Variants in CELF5 observed in about 807,000 individuals in gnomAD.
CELF5 encodes the protein CUG-BP and ETR-3 like factor 5.
In CELF5, 6 loss-of-function variants were observed where a neutral mutation model predicts 54.9. The ratio of observed to expected loss-of-function variants is 0.11; its 90% confidence interval spans 0.06 to 0.22. CELF5 has a LOEUF of 0.22. Among genes scored for constraint, CELF5 ranks in the 10% least tolerant of loss-of-function variants. The pLI, the probability that CELF5 is intolerant of heterozygous loss-of-function variation, is 1.00. For missense variants in CELF5, 401 were observed against 678.6 expected (o/e 0.59, Z 4.54); for synonymous variants, 271 against 290.9 (o/e 0.93, Z 0.70).
intron 1 of CELF5, among the ~76,000 whole-genome samples, chr19:3,231,251 G>A (rs917344907): frequency 2.0e-5 from 3 of 152,206 alleles, no homozygotes; most frequent in Non-Finnish European, 2.9e-5. Context: ...AGGGCATGAG[G>A]AAATGAGACG....
At chr19:3,289,549 G>A (rs2080307710) in intron 10 of CELF5, among the ~76,000 whole-genome samples, 1 of 151,836 alleles carries the variant, frequency 6.6e-6, no homozygotes, top group South Asian at 2.1e-4. Context: ...GGGCTTGGTG[G>A]TGGGCACCTG....
intron 1 of CELF5, among the ~76,000 whole-genome samples, chr19:3,246,055 GC>G (rs1287755155): frequency 2.0e-5 from 3 of 152,212 alleles, no homozygotes; most frequent in African/African-American, 7.2e-5. Flanking sequence ...TCCTGGGTAT[GC>G]TTTTTGCATT....
intron 1 of CELF5, among the ~76,000 whole-genome samples, chr19:3,247,458 C>T (rs1029803742): frequency 1.3e-5 from 2 of 151,348 alleles, no homozygotes; most frequent in East Asian, 2.0e-4. Flanking sequence ...GATGGGTTTT[C>T]GCCATGTTGC....
intron 1 of CELF5, among the ~76,000 whole-genome samples, chr19:3,225,983 G>A (rs1183917662): frequency 2.0e-5 from 3 of 152,158 alleles, no homozygotes; most frequent in Non-Finnish European, 4.4e-5. Context: ...ATGGCATCCC[G>A]GGTGGGGGTG....
In CELF5 at chr19:3,248,889, CCTTCCTTCCTTCCTTCCTTT is replaced by C. The variant is rs761502138; in HGVS notation, c.260-2092_260-2073del. Among the ~76,000 whole-genome samples, 197 of 120,866 alleles carry C rather than the reference CCTTCCTTCCTTCCTTCCTTT, an allele frequency of 1.6e-3. 1 individual carries two copies. The South Asian group carries it at 0.026, about 16-fold the overall frequency. 79.3% of individuals were successfully genotyped at this position (120,866 alleles called of 152,430 possible). On this transcript the variant is annotated intron_variant, in intron 1 of 12. Coordinates refer to ENST00000292672, the MANE Select transcript of CELF5 (RefSeq NM_021938.4). ...TCCTTCCTTCCTTCCTTCCTTCCTT[CCTTCCTTCCTTCCTTCCTTT>C]CTTTCTTTCTTTCTTTCTTTTCTTT...
chr19:3,290,180 G>C, intron 10 of CELF5, 51 bp from the exon 11 acceptor site: 1 of 1,561,158 alleles, frequency 6.4e-7, no homozygotes, highest in African/African-American at 1.4e-5. Context: ...CCCCGGGGGG[G>C]TTCGCCTCCT....
intron 1 of CELF5, among the ~76,000 whole-genome samples, chr19:3,250,305 G>A (rs1295652260): frequency 6.6e-6 from 1 of 152,054 alleles, no homozygotes; most frequent in Admixed American, 6.6e-5. Flanking sequence ...TGGCTAACAC[G>A]GTGAAACCCC....
Position 3,228,683 on chromosome 19 carries a change from C to G in CELF5, c.259+3685C>G, listed in dbSNP as rs1193785703. On this transcript the variant is annotated intron_variant, in intron 1 of 12. Coordinates refer to ENST00000292672, the MANE Select transcript of CELF5 (RefSeq NM_021938.4). This position sits in a 1 kb window ranked among gnomAD's most constrained non-coding sequence, Gnocchi z 6.0. Reference sequence around the variant, plus strand: ...TCCATGGGAGCACCAGCTGCCGGCTCGACTCGGGAGGGGGGGAGGAGGAGG... The same window carrying G: ...TCCATGGGAGCACCAGCTGCCGGCTGGACTCGGGAGGGGGGGAGGAGGAGG... Among the ~76,000 whole-genome samples, 35 of 147,342 alleles carry G rather than the reference C, an allele frequency of 2.4e-4. No individual in the cohort carries two copies. The highest frequency in any genetic ancestry group is 8.8e-4 in the African/African-American group (35 of 39,710).
At chr19:3,229,016 C>T (rs1159016528) in intron 1 of CELF5, among the ~76,000 whole-genome samples, 1 of 151,974 alleles carries the variant, frequency 6.6e-6, no homozygotes. Flanking sequence ...TGCATATTCT[C>T]TCCTTTATTT....
intron 1 of CELF5, among the ~76,000 whole-genome samples, chr19:3,234,525 G>A (rs1446175792): frequency 6.6e-6 from 1 of 152,096 alleles, no homozygotes; most frequent in Non-Finnish European, 1.5e-5. Context: ...CAGGAATGCT[G>A]CTCAATACCC....
At chr19:3,245,677 G>A (rs1414888624) in intron 1 of CELF5, among the ~76,000 whole-genome samples, 2 of 152,032 alleles carry the variant, frequency 1.3e-5, no homozygotes, top group Non-Finnish European at 2.9e-5. Flanking sequence ...AGGCCTTAGG[G>A]CTCGTTGTCT....
At position 3,228,994 on chromosome 19, in the gene CELF5, G is replaced by T. The variant is rs8182494; in HGVS notation, c.259+3996G>T. On this transcript the variant is annotated intron_variant, in intron 1 of 12. Transcript: ENST00000292672. The surrounding 1 kb of genome is among the most constrained non-coding windows in gnomAD (Gnocchi z 6.0). ...CTGAGCGCGCCCCTCTCTGTGCCTC[G>T]TTTTCCCCTGCTGCATATTCTCTCC... is the stretch of plus-strand genomic sequence containing the variant. 0.079 allele frequency among the ~76,000 whole-genome samples: 11,965 copies of T among 151,420 alleles called. 1,165 individuals are homozygous for T. The highest frequency in any genetic ancestry group is 0.44 in the East Asian group (2,228 of 5,098).
intron 2 of CELF5, among the ~76,000 whole-genome samples, chr19:3,253,776 A>G (rs2079682050): frequency 6.6e-6 from 1 of 150,576 alleles, no homozygotes; most frequent in African/African-American, 2.4e-5. Flanking sequence ...TAATTCATCT[A>G]AGTTTAGTGA....
chr19:3,252,587 T>A (rs1473132908), intron 2 of CELF5, among the ~76,000 whole-genome samples: 2 of 152,166 alleles, frequency 1.3e-5, no homozygotes, highest in African/African-American at 2.4e-5. Context: ...GTAGCCTTCG[T>A]GCTTGGCTGA....
intron 1 of CELF5, among the ~76,000 whole-genome samples, chr19:3,244,613 T>C (rs1036131859): frequency 6.7e-6 from 1 of 150,190 alleles, no homozygotes; most frequent in African/African-American, 2.5e-5. Context: ...ATGTGTCTTG[T>C]CTGCGTGTGT....
At chr19:3,225,024 C>A (rs1452035375) in intron 1 of CELF5, 26 bp downstream of exon 1, 1 of 1,340,294 alleles carries the variant, frequency 7.5e-7, no homozygotes, top group South Asian at 1.4e-5. Context: ...CCTCCCCCCT[C>A]TCCCCCTCCC....
rs919940752 is a variant in CELF5 at position 3,281,774 on chromosome 19, T to C, written c.751-352T>C. Among the ~76,000 whole-genome samples, 2 of 151,696 alleles carry C rather than the reference T, an allele frequency of 1.3e-5. No homozygotes were observed. The highest frequency in any genetic ancestry group is 4.8e-5 in the African/African-American group (2 of 41,268). On this transcript the variant is annotated intron_variant, in intron 6 of 12. Coordinates refer to ENST00000292672, the MANE Select transcript of CELF5 (RefSeq NM_021938.4). The surrounding 1 kb of genome is among the most constrained non-coding windows in gnomAD (Gnocchi z 6.5). ...ACCCTCATCCTAGATGGAGCCTTGA[T>C]CTCAGTCTGAGCCTCACTTCCTAAC...
intron 2 of CELF5, among the ~76,000 whole-genome samples, chr19:3,265,385 C>T (rs561322775): frequency 6.6e-6 from 1 of 152,252 alleles, no homozygotes; most frequent in African/African-American, 2.4e-5. Context: ...GCTTTTATTG[C>T]AACAGCAGTG....
At chr19:3,230,102 TC>T (rs1917185017) in intron 1 of CELF5, among the ~76,000 whole-genome samples, 2 of 152,070 alleles carry the variant, frequency 1.3e-5, no homozygotes, top group Non-Finnish European at 2.9e-5. Context: ...ATTCATTCAT[TC>T]ATTCATTCAT....
Sources: allele counts gnomAD v4.1 joint callset (sites outside exome capture counted in the v4.1 genomes callset), GRCh38; gene constraint gnomAD v4.1.1; non-coding constraint Gnocchi (gnomAD v3.1); transcripts MANE v1.5; gene names NCBI Gene and HGNC (gene_info 2026-07-23, HGNC 2026-07-21).